The following CTNNA3 variants were observed in gnomAD, a reference collection of about 807,000 sequenced individuals.
The protein encoded by CTNNA3 is catenin alpha 3.
CTNNA3 carries 76 observed loss-of-function variants against 95.7 expected under a neutral mutation model. The observed-to-expected ratio is 0.79, with a 90% CI of 0.66 to 0.96. The LOEUF is 0.96. Ranked by LOEUF, CTNNA3 falls within the 40% of genes least tolerant of loss-of-function variation. The pLI, the probability that CTNNA3 is intolerant of heterozygous loss-of-function variation, is 0.00. For missense variants in CTNNA3, 1,191 were observed against 1,089.8 expected, an observed-to-expected ratio of 1.09 and a Z score of -1.31; for synonymous variants, 431 against 374.4, an observed-to-expected ratio of 1.15 and a Z score of -1.74.
chr10:66,261,361 C>T (rs1376162681), intron 13 of CTNNA3, among the ~76,000 whole-genome samples: 1 of 152,090 alleles, frequency 6.6e-6, no homozygotes, highest in African/African-American at 2.4e-5. Context: ...TGTCACTTGT[C>T]TCTTTTTCTA....
chr10:66,811,126 G>C (rs1290478027), intron 7 of CTNNA3, among the ~76,000 whole-genome samples: 1 of 152,166 alleles, frequency 6.6e-6, no homozygotes, highest in African/African-American at 2.4e-5. Context: ...GCAAGCACTA[G>C]TCCATGTAGT....
intron 13 of CTNNA3, among the ~76,000 whole-genome samples, chr10:66,184,172 G>A (rs755494910): frequency 2.0e-5 from 3 of 151,998 alleles, no homozygotes; most frequent in African/African-American, 4.8e-5. Context: ...GGGGGTGGGC[G>A]CCTGTAATCC....
intron 5 of CTNNA3, among the ~76,000 whole-genome samples, chr10:67,314,358 A>G (rs1840953026): frequency 6.6e-6 from 1 of 152,228 alleles, no homozygotes; most frequent in Non-Finnish European, 1.5e-5. Flanking sequence ...AAAGACTCCC[A>G]TAACTCTCAG....
chr10:66,213,952 T>C (rs2088345317), intron 13 of CTNNA3, among the ~76,000 whole-genome samples: 2 of 152,216 alleles, frequency 1.3e-5, no homozygotes, highest in Admixed American at 1.3e-4. Flanking sequence ...ACTTAAAATA[T>C]GAAATCAGCA....
At chr10:66,983,394 T>A (rs939371472) in intron 7 of CTNNA3, among the ~76,000 whole-genome samples, 4 of 152,132 alleles carry the variant, frequency 2.6e-5, no homozygotes, top group African/African-American at 9.7e-5. Context: ...GTTTAGGCAC[T>A]AGTGAGTTTT....
chr10:67,663,676 C>T (rs932867143), intron 1 of CTNNA3, among the ~76,000 whole-genome samples: 1 of 151,840 alleles, frequency 6.6e-6, no homozygotes, highest in African/African-American at 2.4e-5. Flanking sequence ...CCTGGTGAAT[C>T]ATTTCTTATT....
intron 7 of CTNNA3, among the ~76,000 whole-genome samples, chr10:66,944,711 T>C (rs982896343): frequency 6.6e-6 from 1 of 152,214 alleles, no homozygotes; most frequent in Non-Finnish European, 1.5e-5. Context: ...AAGAGACTTA[T>C]AAAAGGTATT....
At chr10:67,744,944 C>T (rs1481321574) in intron 1 of CTNNA3, among the ~76,000 whole-genome samples, 35 of 152,044 alleles carry the variant, frequency 2.3e-4, no homozygotes, top group Middle Eastern at 3.4e-3. Flanking sequence ...AAATGCAAAT[C>T]AAAACCACAA....
intron 12 of CTNNA3, among the ~76,000 whole-genome samples, chr10:66,374,118 T>C (rs1296146717): frequency 2.0e-5 from 3 of 152,178 alleles, no homozygotes; most frequent in Non-Finnish European, 4.4e-5. Flanking sequence ...TCATTGATCA[T>C]TGGGCCCCTC....
At chr10:65,936,523 C>A (rs145618159) in intron 17 of CTNNA3, among the ~76,000 whole-genome samples, 1 of 152,034 alleles carries the variant, frequency 6.6e-6, no homozygotes, top group Non-Finnish European at 1.5e-5. Context: ...AACATTCATA[C>A]GCTGAAGAAT....
At chr10:66,234,496 C>T (rs2054385) in intron 13 of CTNNA3, among the ~76,000 whole-genome samples, 29,502 of 152,006 alleles carry the variant, frequency 0.19, 3,147 homozygotes, top group South Asian at 0.29. Context: ...GAAACTTTTA[C>T]GGTTGTTATG....
intron 10 of CTNNA3, among the ~76,000 whole-genome samples, chr10:66,610,705 G>GA (rs1844298803): frequency 6.6e-6 from 1 of 152,052 alleles, no homozygotes; most frequent in Admixed American, 6.6e-5. Flanking sequence ...GGTAAATATG[G>GA]AAAACTGTAT....
At chr10:65,931,610 C>T (rs1487566548) in intron 17 of CTNNA3, among the ~76,000 whole-genome samples, 2 of 152,176 alleles carry the variant, frequency 1.3e-5, no homozygotes, top group Non-Finnish European at 2.9e-5. Flanking sequence ...ATTTGAGACT[C>T]ACACACTCTG....
At chr10:66,470,515 C>T (rs34520813) in intron 11 of CTNNA3, among the ~76,000 whole-genome samples, 2 of 151,780 alleles carry the variant, frequency 1.3e-5, no homozygotes, top group African/African-American at 4.8e-5. Context: ...TTGGAATCAT[C>T]CAAGATGGAA....
chr10:66,661,350 C>T (rs1240395662), intron 9 of CTNNA3, among the ~76,000 whole-genome samples: 1 of 151,994 alleles, frequency 6.6e-6, no homozygotes, highest in African/African-American at 2.4e-5. Context: ...ATAAACCCAT[C>T]GGTTCTTGTG....
At chr10:66,629,473 A>AT (rs2132339355) in intron 9 of CTNNA3, among the ~76,000 whole-genome samples, 1 of 152,180 alleles carries the variant, frequency 6.6e-6, no homozygotes, top group African/African-American at 2.4e-5. Context: ...ACCAACCTAT[A>AT]TTTTTGCTGT....
intron 11 of CTNNA3, among the ~76,000 whole-genome samples, chr10:66,509,044 G>A (rs1182934728): frequency 2.6e-5 from 4 of 151,868 alleles, no homozygotes; most frequent in Admixed American, 1.3e-4. Flanking sequence ...CAACACCAGC[G>A]TTTGTTATTT....
intron 1 of CTNNA3, among the ~76,000 whole-genome samples, chr10:67,762,341 A>G (rs1841466058): frequency 6.6e-6 from 1 of 151,860 alleles, no homozygotes; most frequent in Non-Finnish European, 1.5e-5. Context: ...TAACTTTATA[A>G]TCGATCATTT....
At chr10:66,517,076 G>A (rs1840887026) in intron 11 of CTNNA3, among the ~76,000 whole-genome samples, 1 of 152,066 alleles carries the variant, frequency 6.6e-6, no homozygotes, top group African/African-American at 2.4e-5. Context: ...AAAAAAATTA[G>A]CCAGGTGTGG....
Sources: gnomAD v4.1 joint callset for allele counts (sites outside exome capture counted in the v4.1 genomes callset) on GRCh38, gnomAD v4.1.1 for gene constraint, MANE v1.5 for transcripts, NCBI Gene and HGNC (gene_info 2026-07-23, HGNC 2026-07-21) for gene names.